The following MED13L variants were observed in gnomAD, a reference collection of about 807,000 sequenced individuals.
MED13L encodes the protein mediator complex subunit 13L.
A neutral mutation model predicts 220.9 loss-of-function variants in MED13L; 7 were observed. That is an observed-to-expected ratio of 0.03 (90% confidence interval 0.02 to 0.06). The LOEUF (loss-of-function observed/expected upper bound fraction) is 0.06. Among genes scored for constraint, MED13L ranks in the 10% least tolerant of loss-of-function variants. The probability of loss-of-function intolerance (pLI) is 1.00; values close to 1 mark genes in which losing one functional copy is unlikely to be tolerated. For missense variants in MED13L, 1,965 were observed against 2,760.5 expected, an observed-to-expected ratio of 0.71 and a Z score of 6.46; for synonymous variants, 1,011 against 1,015.2, an observed-to-expected ratio of 1.00 and a Z score of 0.08.
intron 4 of MED13L, among the ~76,000 whole-genome samples, chr12:116,042,726 A>G (rs1267452910): frequency 6.6e-6 from 1 of 152,166 alleles, no homozygotes. Flanking sequence ...ATAAACACAC[A>G]TTTCTTCTCC....
rs180793720 is a variant in MED13L at position 116,098,474 on chromosome 12, G to A, written c.396-1722C>T. On this transcript the variant is annotated intron_variant, in intron 3 of 30. Transcript: ENST00000281928. ...ATATAGCAATTCTTTATTCCATATT[G>A]AGGCAATTCTGCACATGGCTTTTGC... 2.3e-4 allele frequency among the ~76,000 whole-genome samples: 35 copies of A among 152,204 alleles called. No homozygotes were observed. In the East Asian group the frequency reaches 5.8e-3, roughly 25 times the overall value.
intron 2 of MED13L, among the ~76,000 whole-genome samples, chr12:116,115,221 T>C (rs544904772): frequency 3.3e-5 from 5 of 152,234 alleles, no homozygotes; most frequent in Admixed American, 1.3e-4. Context: ...TACACATCAA[T>C]AGAACTGAGT....
chr12:116,262,423 A>T (rs1213087765), intron 1 of MED13L, among the ~76,000 whole-genome samples: 1 of 152,254 alleles, frequency 6.6e-6, no homozygotes, highest in Admixed American at 6.5e-5. Flanking sequence ...GTTAACATAT[A>T]TAACTAAATT....
chr12:116,159,987 A>G (rs1328367645), intron 2 of MED13L, among the ~76,000 whole-genome samples: 3 of 152,156 alleles, frequency 2.0e-5, no homozygotes, highest in East Asian at 3.8e-4. Flanking sequence ...GACTCACTAC[A>G]TGCTTCTGGC....
chr12:116,102,258 C>G (rs1873119893), intron 3 of MED13L, among the ~76,000 whole-genome samples: 1 of 152,180 alleles, frequency 6.6e-6, no homozygotes, highest in Non-Finnish European at 1.5e-5. Context: ...CCCAAAGCCA[C>G]AGGCAGACCT....
chr12:116,276,091 A>G (rs1233313047), intron 1 of MED13L, among the ~76,000 whole-genome samples: 4 of 152,220 alleles, frequency 2.6e-5, no homozygotes, highest in African/African-American at 9.7e-5. Flanking sequence ...CGCCAGGAAA[A>G]GAGTTGCTGG....
intron 2 of MED13L, among the ~76,000 whole-genome samples, chr12:116,186,185 T>C (rs1345381378): frequency 6.6e-6 from 1 of 152,250 alleles, no homozygotes; most frequent in African/African-American, 2.4e-5. Flanking sequence ...ATAGCATAGC[T>C]ATAATTATTG....
intron 30 of MED13L, chr12:115,962,681 T>C (rs1875848658): frequency 6.5e-6 from 1 of 153,298 alleles, no homozygotes; most frequent in Middle Eastern, 3.4e-3. Flanking sequence ...GCTTGATTAA[T>C]ACACACTTCT....
In MED13L at chr12:115,986,310, C is replaced by T. The variant is rs758950766; in HGVS notation, c.4294G>A (p.Glu1432Lys). 2.0e-5 allele frequency: 32 copies of T among 1,614,002 alleles called. No individual in the cohort carries two copies. The Admixed American group carries it at 3.5e-4, about 18-fold the overall frequency. The part of the protein sequence containing the change: ...VVCPENEALL[E>K]GAKTFFRDLS... The stretch of plus-strand genomic sequence containing the variant: ...TCCCTGAAGAAAGTTTTGGCTCCTT[C>T]GAGCAAGGCCTCATTTTCTGGACAC... Residue 1432 changes from glutamate to lysine, a missense_variant, in exon 19 of 31, where the codon GAA (glutamate) becomes AAA (lysine). Coordinates refer to ENST00000281928, the MANE Select transcript of MED13L (RefSeq NM_015335.5).
intron 2 of MED13L, among the ~76,000 whole-genome samples, chr12:116,206,051 T>C (rs1882306448): frequency 6.8e-6 from 1 of 147,888 alleles, no homozygotes; most frequent in Non-Finnish European, 1.5e-5. Flanking sequence ...TCAGCGGATA[T>C]AGAGATACTT....
intron 3 of MED13L, among the ~76,000 whole-genome samples, chr12:116,107,449 A>G (rs146945039): frequency 3.2e-4 from 49 of 152,340 alleles, no homozygotes; most frequent in African/African-American, 1.1e-3. Context: ...CTCAGCACCA[A>G]TCAATAGCAA....
chr12:116,146,053 G>A (rs781574223), intron 2 of MED13L, among the ~76,000 whole-genome samples: 4 of 152,162 alleles, frequency 2.6e-5, no homozygotes, highest in Non-Finnish European at 4.4e-5. Flanking sequence ...GGCCCAGAAC[G>A]GCTTTGACTG....
intron 30 of MED13L, chr12:115,961,628 G>T: frequency 1.7e-6 from 1 of 597,292 alleles, no homozygotes; most frequent in Non-Finnish European, 3.0e-6. Context: ...CGCCAGTGAG[G>T]CCAGTAGGAA....
chr12:116,260,049 G>A (rs1164278342), intron 1 of MED13L, among the ~76,000 whole-genome samples: 1 of 152,162 alleles, frequency 6.6e-6, no homozygotes, highest in Non-Finnish European at 1.5e-5. Flanking sequence ...TAATGGAGCG[G>A]CTGGAACATG....
At chr12:116,232,272 T>C (rs1320098102) in intron 2 of MED13L, 20 of 218,162 alleles carry the variant, frequency 9.2e-5, no homozygotes, top group African/African-American at 7.0e-5. Flanking sequence ...GATACTGTTA[T>C]AGGGACAATC....
chr12:116,104,935 A>C (rs964639498), intron 3 of MED13L, among the ~76,000 whole-genome samples: 3 of 151,630 alleles, frequency 2.0e-5, no homozygotes, highest in African/African-American at 7.3e-5. Flanking sequence ...AATAAGAAAA[A>C]CTCTTTTAAG....
At chr12:116,009,665 A>G (rs1443483379) in intron 9 of MED13L, among the ~76,000 whole-genome samples, 1 of 152,224 alleles carries the variant, frequency 6.6e-6, no homozygotes, top group African/African-American at 2.4e-5. Context: ...TAATAGGATA[A>G]ATATACTAGA....
chr12:116,175,260 A>G (rs1045376321), intron 2 of MED13L, among the ~76,000 whole-genome samples: 8 of 152,196 alleles, frequency 5.3e-5, no homozygotes, highest in African/African-American at 1.7e-4. Context: ...ACTAAATTCC[A>G]TTTGAAATAA....
In MED13L at chr12:116,145,819, C is replaced by T. The variant is rs549055324; in HGVS notation, c.311-34307G>A. 3.9e-5 allele frequency among the ~76,000 whole-genome samples: 6 copies of T among 152,020 alleles called. No individual in the cohort carries two copies. The South Asian group carries it at 1.2e-3, about 31-fold the overall frequency. On this transcript the variant is annotated intron_variant, in intron 2 of 30. Coordinates refer to ENST00000281928, the MANE Select transcript of MED13L (RefSeq NM_015335.5). Reference sequence around the variant, plus strand: ...TGGAACTAAATCTAGGTGACAGCCACTGTGCCTGGCCTCAAGCACATTTTT... The same window carrying T: ...TGGAACTAAATCTAGGTGACAGCCATTGTGCCTGGCCTCAAGCACATTTTT...
Sources: allele counts gnomAD v4.1 joint callset (sites outside exome capture counted in the v4.1 genomes callset), GRCh38; gene constraint gnomAD v4.1.1; transcripts MANE v1.5; gene names NCBI Gene and HGNC (gene_info 2026-07-23, HGNC 2026-07-21).